Variants in PIK3CB observed in about 807,000 individuals in gnomAD.
The protein encoded by PIK3CB is phosphatidylinositol-4,5-bisphosphate 3-kinase catalytic subunit beta, also known as phosphatidylinositol 4,5-bisphosphate 3-kinase catalytic subunit beta isoform.
Under a neutral mutation model 136.8 loss-of-function variants are expected in PIK3CB, and 39 were observed. The observed-to-expected ratio is 0.29, with a 90% confidence interval of 0.22 to 0.37. The LOEUF is 0.37. Among genes scored for constraint, PIK3CB ranks in the 10% least tolerant of loss-of-function variants. PIK3CB has a pLI of 1.00. For missense variants in PIK3CB, 868 were observed against 1,275.4 expected (o/e 0.68, Z 4.87); for synonymous variants, 428 against 436.6 (o/e 0.98, Z 0.25).
In PIK3CB at chr3:138,654,164, G is replaced by A. The variant is rs1190074314; in HGVS notation, c.*1225C>T. ...TCAGTTCTCTTTCCCATATCACCGA[G>A]GATTGAGAGCTCCCAATATTCTTTG... On this transcript the variant is annotated 3_prime_UTR_variant, in exon 24 of 24. Coordinates refer to ENST00000674063, the MANE Select transcript of PIK3CB (RefSeq NM_006219.3). 1 of 208,574 alleles carries A rather than the reference G, an allele frequency of 4.8e-6. No homozygotes were observed. The highest frequency in any genetic ancestry group is 9.8e-6 in the Non-Finnish European group (1 of 102,562). 12.9% of individuals were successfully genotyped at this position (208,574 alleles called of 1,614,324 possible).
chr3:138,788,000 A>T (rs1353123067), intron 2 of PIK3CB, among the ~76,000 whole-genome samples: 1 of 149,436 alleles, frequency 6.7e-6, no homozygotes, highest in African/African-American at 2.5e-5. Context: ...TCGGTTCAGT[A>T]CAACTTCCGC....
At chr3:138,725,976 G>A (rs954149818) in intron 8 of PIK3CB, among the ~76,000 whole-genome samples, 4 of 152,176 alleles carry the variant, frequency 2.6e-5, no homozygotes, top group Non-Finnish European at 4.4e-5. Flanking sequence ...GGAGAATGTT[G>A]ATATTTTTGT....
intron 4 of PIK3CB, among the ~76,000 whole-genome samples, chr3:138,746,945 T>C (rs1014035103): frequency 2.0e-5 from 3 of 149,214 alleles, no homozygotes; most frequent in Non-Finnish European, 4.5e-5. Flanking sequence ...GACAGTTTCA[T>C]GAATTTGTTT....
At chr3:138,779,353 T>C (rs1040555176) in intron 2 of PIK3CB, among the ~76,000 whole-genome samples, 3 of 149,658 alleles carry the variant, frequency 2.0e-5, no homozygotes, top group African/African-American at 7.4e-5. Context: ...CCCAAAATGC[T>C]GGGATTACAG....
At chr3:138,785,664 G>C (rs902651449) in intron 2 of PIK3CB, among the ~76,000 whole-genome samples, 5 of 152,054 alleles carry the variant, frequency 3.3e-5, no homozygotes, top group African/African-American at 1.2e-4. Flanking sequence ...CAAGTACCCA[G>C]GGACGCAAAC....
chr3:138,663,141 A>C, intron 21 of PIK3CB, among the ~76,000 whole-genome samples: 1 of 152,108 alleles, frequency 6.6e-6, no homozygotes, highest in Admixed American at 6.5e-5. Context: ...AATGGGAGAA[A>C]ATTTTCGCAA....
intron 1 of PIK3CB, among the ~76,000 whole-genome samples, chr3:138,827,012 T>C (rs544010071): frequency 4.0e-4 from 61 of 152,206 alleles, no homozygotes; most frequent in African/African-American, 1.5e-3. Context: ...GAGGTTGCAG[T>C]GAACCGAGAT....
chr3:138,766,843 G>A (rs977896238), intron 2 of PIK3CB, among the ~76,000 whole-genome samples: 1 of 152,150 alleles, frequency 6.6e-6, no homozygotes, highest in African/African-American at 2.4e-5. Context: ...AATACTGCAA[G>A]GTTAAATATA....
At chr3:138,827,979 C>T (rs533862965) in intron 1 of PIK3CB, among the ~76,000 whole-genome samples, 2 of 151,464 alleles carry the variant, frequency 1.3e-5, no homozygotes, top group Non-Finnish European at 2.9e-5. Context: ...CAGAGCGAGA[C>T]TCCGTCTCAA....
At chr3:138,779,027 C>CAA (rs35287725) in intron 2 of PIK3CB, among the ~76,000 whole-genome samples, 4,783 of 144,252 alleles carry the variant, frequency 0.033, 250 homozygotes, top group African/African-American at 0.11. Flanking sequence ...CCTCTACTGC[C>CAA]AAAAAAAAAA....
intron 4 of PIK3CB, among the ~76,000 whole-genome samples, chr3:138,745,741 A>T (rs1165646899): frequency 1.3e-5 from 2 of 152,182 alleles, no homozygotes; most frequent in Non-Finnish European, 2.9e-5. Context: ...TTCTTGTTGT[A>T]CAACCAAAAG....
chr3:138,707,597 A>C lies in PIK3CB; in HGVS notation c.1400-308T>G, dbSNP rs530348676. 58 of 1,086,172 alleles carry C rather than the reference A, an allele frequency of 5.3e-5. 1 individual carries two copies. The South Asian group carries it at 1.7e-3, about 32-fold the overall frequency. 67.3% of individuals were successfully genotyped at this position (1,086,172 alleles called of 1,614,324 possible). A position where few individuals can be genotyped will look rare whatever the true frequency, so the allele number is the denominator to read the frequency against. On this transcript the variant is annotated intron_variant, in intron 10 of 23. Coordinates refer to ENST00000674063, the MANE Select transcript of PIK3CB (RefSeq NM_006219.3). ...TTGGAACTGCTCTCTCTCCATCAAA[A>C]TTAGGTGGCCCATAGAAACTATAAT...
chr3:138,782,661 C>T (rs1235634742), intron 2 of PIK3CB, among the ~76,000 whole-genome samples: 8 of 152,144 alleles, frequency 5.3e-5, no homozygotes, highest in African/African-American at 1.9e-4. Flanking sequence ...TGACCTGTGT[C>T]ACTTCAGGTC....
intron 1 of PIK3CB, among the ~76,000 whole-genome samples, chr3:138,815,368 A>AAAAAAAAAAAAAAAAAAAAAAC (rs1553743726): frequency 7.6e-5 from 8 of 105,898 alleles, no homozygotes; most frequent in Admixed American, 1.1e-4. Context: ...AAAAAAAAAA[A>AAAAAAAAAAAAAAAAAAAAAAC]AAAAAAACTA....
At chr3:138,824,582 C>T (rs1396303949) in intron 1 of PIK3CB, among the ~76,000 whole-genome samples, 1 of 151,778 alleles carries the variant, frequency 6.6e-6, no homozygotes, top group Non-Finnish European at 1.5e-5. Flanking sequence ...ACCCACCTGA[C>T]GCTGGAGTTT....
At chr3:138,658,348 G>C (rs2043227328) in intron 21 of PIK3CB, among the ~76,000 whole-genome samples, 1 of 152,056 alleles carries the variant, frequency 6.6e-6, no homozygotes, top group South Asian at 2.1e-4. Context: ...TACTCAGGGG[G>C]GTGAGGTGGG....
At position 138,667,756 on chromosome 3, in the gene PIK3CB, C is replaced by T. The variant is rs560582800; in HGVS notation, c.2505-2553G>A. ...TTTTTTTTTGTATTTTTAGTAGAGACGGGGTATGCTTTTTTAAAAGCACTT... is the reference window on the plus strand; with the variant it reads ...TTTTTTTTTGTATTTTTAGTAGAGATGGGGTATGCTTTTTTAAAAGCACTT... On this transcript the variant is annotated intron_variant, in intron 19 of 23. Coordinates refer to ENST00000674063, the MANE Select transcript of PIK3CB (RefSeq NM_006219.3). Among the ~76,000 whole-genome samples the T allele has an allele frequency of 1.6e-4, 24 of 150,544 alleles. No individual in the cohort carries two copies. The East Asian group carries it at 2.2e-3, about 14-fold the overall frequency.
chr3:138,799,235 T>C (rs2046143631), intron 1 of PIK3CB, among the ~76,000 whole-genome samples: 2 of 149,158 alleles, frequency 1.3e-5, no homozygotes. Context: ...TGGAGTGCAG[T>C]GGCATGATCT....
chr3:138,698,426 C>T (rs2044181831), intron 13 of PIK3CB, among the ~76,000 whole-genome samples: 1 of 152,128 alleles, frequency 6.6e-6, no homozygotes, highest in African/African-American at 2.4e-5. Context: ...TTTTTCTATT[C>T]TGTCAAAACG....
Sources: allele counts gnomAD v4.1 joint callset (sites outside exome capture counted in the v4.1 genomes callset), GRCh38; gene constraint gnomAD v4.1.1; transcripts MANE v1.5; gene names NCBI Gene and HGNC (gene_info 2026-07-23, HGNC 2026-07-21).